Variants in OTUD4 observed in about 807,000 individuals in gnomAD.
The protein encoded by OTUD4 is OTU deubiquitinase 4.
OTUD4 carries 24 observed loss-of-function variants against 130.4 expected under a neutral mutation model. That is an observed-to-expected ratio of 0.18 (90% CI 0.13 to 0.26). OTUD4 has a LOEUF of 0.26. Among genes scored for constraint, OTUD4 ranks in the 10% least tolerant of loss-of-function variants. The probability of loss-of-function intolerance (pLI) is 1.00; values close to 1 mark genes in which losing one functional copy is unlikely to be tolerated. For synonymous variants in OTUD4, 420 were observed against 472.5 expected, an observed-to-expected ratio of 0.89 and a Z score of 1.44; for missense variants, 1,031 against 1,329.4, an observed-to-expected ratio of 0.78 and a Z score of 3.49.
At chr4:145,156,053 T>G in intron 7 of OTUD4, 57 bp from the exon 8 acceptor site, 2 of 1,365,162 alleles carry the variant, frequency 1.5e-6, no homozygotes, top group South Asian at 1.2e-5. Context: ...CGTAATTACC[T>G]TCTAACCTCA....
chr4:145,152,773 G>T, intron 10 of OTUD4, 138 bp from the exon 11 acceptor site: 1 of 595,348 alleles, frequency 1.7e-6, no homozygotes. Flanking sequence ...CTGAAGTGCA[G>T]AGGCACAATC....
rs183082305 is a variant in OTUD4 at position 145,145,862 on chromosome 4, A to G, written c.1422+405T>C. Among the ~76,000 whole-genome samples the G allele has an allele frequency of 2.1e-3, 317 of 152,342 alleles. 1 individual carries two copies. The highest frequency in any genetic ancestry group is 2.3e-3 in the Non-Finnish European group (157 of 68,036). ...ACAAAGCCACAGGATGACATGTGCTACCACCTCCAACAGCAAACACCCTGA... is the reference window on the plus strand; with the variant it reads ...ACAAAGCCACAGGATGACATGTGCTGCCACCTCCAACAGCAAACACCCTGA... On this transcript the variant is annotated intron_variant, in intron 14 of 20. Transcript: ENST00000447906.
chr4:145,166,502 T>TA (rs796714710), intron 3 of OTUD4, among the ~76,000 whole-genome samples: 121 of 142,236 alleles, frequency 8.5e-4, no homozygotes, highest in Middle Eastern at 3.7e-3. Flanking sequence ...TAACAGTGTT[T>TA]AAAAAAAAAA....
intron 4 of OTUD4, among the ~76,000 whole-genome samples, chr4:145,164,686 G>C (rs770867705): frequency 2.0e-5 from 3 of 151,906 alleles, no homozygotes; most frequent in African/African-American, 7.3e-5. Flanking sequence ...GGAGCATTTT[G>C]GATTTCAGAT....
Position 145,136,164 on chromosome 4 carries a change from C to G in OTUD4, c.*1266G>C, listed in dbSNP as rs1017773963. 6 of 152,376 alleles carry G rather than the reference C, an allele frequency of 3.9e-5. No individual in the cohort carries two copies. The highest frequency in any genetic ancestry group is 1.5e-4 in the African/African-American group (6 of 41,346). The allele number at this position is 152,376 out of a possible 1,614,324, so 9.4% of individuals were successfully genotyped here. ...AGAATATAAGCTACAGTTATTTTTA[C>G]AAAATAACACAGATGAATGAATACT... On this transcript the variant is annotated 3_prime_UTR_variant, in exon 21 of 21. Coordinates refer to ENST00000447906, the MANE Select transcript of OTUD4 (RefSeq NM_001366057.1).
At chr4:145,152,156 C>T (rs1474514156) in intron 11 of OTUD4, among the ~76,000 whole-genome samples, 1 of 152,184 alleles carries the variant, frequency 6.6e-6, no homozygotes, top group Non-Finnish European at 1.5e-5. Context: ...CGAAGTCTAG[C>T]TCTGTCGCCA....
At chr4:145,151,235 G>C (rs952209502) in intron 11 of OTUD4, among the ~76,000 whole-genome samples, 1 of 152,278 alleles carries the variant, frequency 6.6e-6, no homozygotes, top group South Asian at 2.1e-4. Flanking sequence ...TTCTGTTAGA[G>C]AAACATATAA....
Position 145,136,789 on chromosome 4 carries a change from T to C in OTUD4, c.*641A>G, listed in dbSNP as rs1437050016. The stretch of plus-strand genomic sequence containing the variant: ...CCTTATGAATATTAAAAGAACTATA[T>C]ACAACATTGCTAAGACACAGTTAAT... On this transcript the variant is annotated 3_prime_UTR_variant, in exon 21 of 21. Coordinates refer to ENST00000447906, the MANE Select transcript of OTUD4 (RefSeq NM_001366057.1). 1 of 152,608 alleles carries C rather than the reference T, an allele frequency of 6.6e-6. No homozygotes were observed. The allele number at this position is 152,608 out of a possible 1,614,324, so 9.5% of individuals were successfully genotyped here. A position where few individuals can be genotyped will look rare whatever the true frequency, so the allele number is the denominator to read the frequency against.
intron 19 of OTUD4, 44 bp downstream of exon 19, chr4:145,141,335 T>C (rs758857131): frequency 6.6e-7 from 1 of 1,518,590 alleles, no homozygotes; most frequent in Non-Finnish European, 8.8e-7. Context: ...ACTAAGCTTA[T>C]TTGGACTTGA....
intron 3 of OTUD4, chr4:145,171,089 CTT>C (rs1752139944): frequency 6.6e-6 from 1 of 152,462 alleles, no homozygotes; most frequent in African/African-American, 2.4e-5. Context: ...AATCCCAGCA[CTT>C]TGGGAGGCTG....
chr4:145,160,419 A>T (rs1208764240), intron 6 of OTUD4, among the ~76,000 whole-genome samples: 1 of 152,250 alleles, frequency 6.6e-6, no homozygotes, highest in Non-Finnish European at 1.5e-5. Context: ...TCTTGAATAT[A>T]GGGAAATATA....
intron 6 of OTUD4, among the ~76,000 whole-genome samples, chr4:145,161,294 A>C (rs768275346): frequency 6.6e-6 from 1 of 152,224 alleles, no homozygotes. Flanking sequence ...TCTAGGAGCT[A>C]TCTTTCCCAA....
At chr4:145,155,733 C>T (rs376483775) in intron 8 of OTUD4, 47 bp from the exon 9 acceptor site, 284 of 1,315,204 alleles carry the variant, frequency 2.2e-4, no homozygotes, top group Non-Finnish European at 2.8e-4. Context: ...GCTTTTAAAA[C>T]ATTTTTGTTT....
At chr4:145,164,127 C>T (rs1751729776) in intron 5 of OTUD4, 27 bp downstream of exon 5, 2 of 1,088,968 alleles carry the variant, frequency 1.8e-6, no homozygotes, top group African/African-American at 1.6e-5. Context: ...TACTTAAATA[C>T]TTTAGAACAC....
intron 5 of OTUD4, among the ~76,000 whole-genome samples, chr4:145,162,966 A>G (rs1751655169): frequency 6.6e-6 from 1 of 152,224 alleles, no homozygotes; most frequent in South Asian, 2.1e-4. Flanking sequence ...ACAAAAAAAT[A>G]AAAATAATAT....
chr4:145,155,818 GAGT>G (rs1041618854), intron 8 of OTUD4, 115 bp downstream of exon 8: 11 of 984,336 alleles, frequency 1.1e-5, no homozygotes, highest in African/African-American at 1.7e-5. Flanking sequence ...ATCAATTTCT[GAGT>G]AGATGATCCT....
chr4:145,146,551 A>G, intron 13 of OTUD4, 122 bp from the exon 14 acceptor site: 1 of 566,506 alleles, frequency 1.8e-6, no homozygotes, highest in African/African-American at 2.0e-5. Context: ...AAAATGATCT[A>G]TTTTGCAACA....
At chr4:145,179,581 C>T in intron 1 of OTUD4, 1 of 1,358,752 alleles carries the variant, frequency 7.4e-7, no homozygotes, top group Non-Finnish European at 9.4e-7. Context: ...CTCATTACCT[C>T]TTCATCAGGA....
chr4:145,164,729 T>G (rs1252599535), intron 4 of OTUD4, among the ~76,000 whole-genome samples: 4 of 152,024 alleles, frequency 2.6e-5, no homozygotes, highest in African/African-American at 9.7e-5. Context: ...TGGGTAAGCA[T>G]AATGTAAATA....
Sources: allele counts gnomAD v4.1 joint callset (sites outside exome capture counted in the v4.1 genomes callset), GRCh38; gene constraint gnomAD v4.1.1; transcripts MANE v1.5; gene names NCBI Gene and HGNC (gene_info 2026-07-23, HGNC 2026-07-21).